CABP1: variants seen among roughly 807,000 people sequenced by gnomAD.
CABP1 encodes the protein calcium-binding protein 1.
In CABP1, 17 loss-of-function variants were observed where a neutral mutation model predicts 34.3. The ratio of observed to expected loss-of-function variants is 0.50; its 90% confidence interval spans 0.34 to 0.74. The LOEUF (loss-of-function observed/expected upper bound fraction) is 0.74, where lower values mean the gene tolerates loss of function less well. CABP1 is among the 30% of genes least tolerant of loss of function. CABP1 has a pLI of 0.01. For synonymous variants in CABP1, 198 were observed against 229.2 expected (o/e 0.86, Z 1.23); for missense variants, 373 against 511.1 (o/e 0.73, Z 2.61).
intron 5 of CABP1, 99 bp from the exon 6 acceptor site, chr12:120,666,776 C>G (rs1189694444): frequency 3.1e-6 from 4 of 1,309,308 alleles, no homozygotes; most frequent in Non-Finnish European, 4.3e-6. Context: ...GGGACCAGCA[C>G]AGAGTTGGGG....
intron 5 of CABP1, 55 bp from the exon 6 acceptor site, chr12:120,666,820 C>A: frequency 1.9e-6 from 3 of 1,567,982 alleles, no homozygotes; most frequent in Non-Finnish European, 2.6e-6. Flanking sequence ...AAGGCAGCAA[C>A]CTGGGGAGGC....
At chr12:120,668,956 G>A (rs149977826), downstream of CABP1, among the ~76,000 whole-genome samples, 14 of 152,350 alleles carry the variant, frequency 9.2e-5, no homozygotes, top group East Asian at 2.7e-3. Flanking sequence ...CTGGGGCGCA[G>A]TCCATGAATT....
chr12:120,652,228 A>G (rs1038870184), intron 1 of CABP1, among the ~76,000 whole-genome samples: 6 of 152,194 alleles, frequency 3.9e-5, no homozygotes, highest in African/African-American at 1.4e-4. Context: ...CATAACCATA[A>G]TTGTTCCACT....
intron 1 of CABP1, chr12:120,650,320 A>G (rs1347190078): frequency 2.0e-5 from 9 of 454,966 alleles, no homozygotes; most frequent in East Asian, 4.2e-5. Context: ...CCCCTCTGCC[A>G]TCAGCTCTCC....
rs797010574 is a variant in CABP1 at position 120,641,362 on chromosome 12, G to A, written c.654+23G>A. The A allele has an allele frequency of 7.5e-5, 95 of 1,261,488 alleles. 1 individual carries two copies. The African/African-American group carries it at 1.2e-3, about 16-fold the overall frequency. The allele number at this position is 1,261,488 out of a possible 1,614,324, so 78.1% of individuals were successfully genotyped here. On this transcript the variant is annotated intron_variant, in intron 1 of 5. Transcript: ENST00000316803. This position sits in a 1 kb window ranked among gnomAD's most constrained non-coding sequence, Gnocchi z 6.7. ...CAGGTAAGGGCCGCGCCTCCCGTCA[G>A]CGCTCCCGGGAAAGGCGCTCGGGAC...
At position 120,641,146 on chromosome 12, in the gene CABP1, C is replaced by G. The variant is rs1455600851; in HGVS notation, c.461C>G (p.Ser154Cys). 4.9e-6 allele frequency: 6 copies of G among 1,235,874 alleles called. No homozygotes were observed. In the South Asian group the frequency reaches 1.9e-4, roughly 39 times the overall value. The allele number at this position is 1,235,874 out of a possible 1,614,324, so 76.6% of individuals were successfully genotyped here. ...RPREALPAAA[S>C]RPSPSSPLPP... ...CGGGAGGCGCTGCCGGCCGCGGCGT[C>G]CCGACCTTCGCCGTCGTCGCCGCTG... Residue 154 changes from serine to cysteine, a missense_variant, in exon 1 of 6, where the codon TCC (serine) becomes TGC (cysteine). By Grantham distance (112) the Ser-to-Cys change is moderately radical. Coordinates refer to ENST00000316803, the MANE Select transcript of CABP1 (RefSeq NM_001033677.2). This position sits in a 1 kb window ranked among gnomAD's most constrained non-coding sequence, Gnocchi z 6.7.
At chr12:120,674,285 C>A in the CABP1 span, among the ~76,000 whole-genome samples, 1 of 152,276 alleles carries the variant, frequency 6.6e-6, no homozygotes, top group Admixed American at 6.5e-5. Context: ...CTCAGCGATT[C>A]CTTCTCAAGA....
In CABP1 at chr12:120,661,313, C is replaced by T; in HGVS notation, c.1087+95C>T. 1 of 1,442,124 alleles carries T rather than the reference C, an allele frequency of 6.9e-7. No individual in the cohort carries two copies. The highest frequency in any genetic ancestry group is 9.3e-7 in the Non-Finnish European group (1 of 1,073,200). 89.3% of individuals were successfully genotyped at this position (1,442,124 alleles called of 1,614,324 possible). On this transcript the variant is annotated intron_variant, in intron 5 of 5. Transcript: ENST00000316803. This position sits in a 1 kb window ranked among gnomAD's most constrained non-coding sequence, Gnocchi z 5.1. ...ATCCATCATGCAACCATCAATCCGC[C>T]CTAATTTTCCAACCCCCAGCCCTTT...
the CABP1 span, among the ~76,000 whole-genome samples, chr12:120,677,413 T>TCC: frequency 9.0e-6 from 1 of 110,546 alleles, no homozygotes; most frequent in Non-Finnish European, 1.9e-5. Flanking sequence ...TTTTTTTTTT[T>TCC]TGAGACAGAG....
intron 1 of CABP1, among the ~76,000 whole-genome samples, chr12:120,646,908 C>T (rs528677011): frequency 3.3e-5 from 5 of 152,198 alleles, no homozygotes; most frequent in Non-Finnish European, 7.3e-5. Flanking sequence ...CTTTAAAGCA[C>T]GTCGAAATCC....
At chr12:120,674,546 G>A in the CABP1 span, among the ~76,000 whole-genome samples, 1 of 152,318 alleles carries the variant, frequency 6.6e-6, no homozygotes, top group African/African-American at 2.4e-5. Flanking sequence ...CTACAGAGGG[G>A]ACAGGGGTCT....
At position 120,660,607 on chromosome 12, in the gene CABP1, T is replaced by TA. The variant is rs1593168122; in HGVS notation, c.830-123dup. The TA allele has an allele frequency of 6.6e-6, 5 of 760,860 alleles. No homozygotes were observed. In the East Asian group the frequency reaches 1.2e-4, roughly 19 times the overall value. The allele number at this position is 760,860 out of a possible 1,614,324, so 47.1% of individuals were successfully genotyped here. On this transcript the variant is annotated intron_variant, in intron 3 of 5. Transcript: ENST00000316803. This position sits in a 1 kb window ranked among gnomAD's most constrained non-coding sequence, Gnocchi z 5.0. ...GAAGAACTGAACAGAGGGCTCTTGT[T>TA]ATTATTAAGTTTGTCTCTATCTGAT...
downstream of CABP1, among the ~76,000 whole-genome samples, chr12:120,668,825 G>A (rs541356497): frequency 1.3e-5 from 2 of 152,378 alleles, no homozygotes; most frequent in East Asian, 1.9e-4. Flanking sequence ...TTGGGCAGGT[G>A]TGTGGGGTGG....
At chr12:120,677,660 G>A in the CABP1 span, among the ~76,000 whole-genome samples, 1 of 152,136 alleles carries the variant, frequency 6.6e-6, no homozygotes, top group South Asian at 2.1e-4. Flanking sequence ...ACCTGCCTCA[G>A]CCTCCTGAAG....
the CABP1 span, among the ~76,000 whole-genome samples, chr12:120,673,993 G>A: frequency 6.6e-6 from 1 of 152,202 alleles, no homozygotes; most frequent in African/African-American, 2.4e-5. Context: ...ACCAGCCTGG[G>A]CAACACAGCA....
chr12:120,679,113 T>A, the CABP1 span, among the ~76,000 whole-genome samples: 1 of 151,698 alleles, frequency 6.6e-6, no homozygotes, highest in East Asian at 1.9e-4. Flanking sequence ...ATTTTTTGTT[T>A]ATTTAAAATA....
chr12:120,666,854 G>C, intron 5 of CABP1, 21 bp from the exon 6 acceptor site: 1 of 1,601,342 alleles, frequency 6.2e-7, no homozygotes, highest in Non-Finnish European at 8.5e-7. Context: ...TTGCTCCCCA[G>C]CTGCTCCTCT....
the CABP1 span, among the ~76,000 whole-genome samples, chr12:120,677,935 G>A: frequency 6.6e-6 from 1 of 152,190 alleles, no homozygotes; most frequent in African/African-American, 2.4e-5. Flanking sequence ...GACACACCAA[G>A]TCCATTCTCC....
At chr12:120,665,462 A>G (rs1448233639) in intron 5 of CABP1, among the ~76,000 whole-genome samples, 3 of 152,122 alleles carry the variant, frequency 2.0e-5, no homozygotes, top group African/African-American at 7.2e-5. Flanking sequence ...ACGATTCTGT[A>G]TGATACAACA....
Sources: allele counts gnomAD v4.1 joint callset (sites outside exome capture counted in the v4.1 genomes callset), GRCh38; gene constraint gnomAD v4.1.1; non-coding constraint Gnocchi (gnomAD v3.1); transcripts MANE v1.5; gene names NCBI Gene and HGNC (gene_info 2026-07-23, HGNC 2026-07-21).